The following ABCB9 variants were observed in gnomAD, a reference collection of about 807,000 sequenced individuals.
ABCB9 encodes ATP binding cassette subfamily B member 9.
ABCB9 carries 36 observed loss-of-function variants against 62.0 expected under a neutral mutation model. That is an observed-to-expected ratio of 0.58 (90% confidence interval 0.45 to 0.77). The LOEUF (loss-of-function observed/expected upper bound fraction) is 0.77. Among genes scored for constraint, ABCB9 ranks in the 30% least tolerant of loss-of-function variants. ABCB9 has a pLI of 0.00. For synonymous variants in ABCB9, 435 were observed against 461.4 expected, an observed-to-expected ratio of 0.94 and a Z score of 0.73; for missense variants, 943 against 1,054.7, an observed-to-expected ratio of 0.89 and a Z score of 1.47.
chr12:122,968,493 T>G (rs531521288), upstream of ABCB9, among the ~76,000 whole-genome samples: 1 of 152,150 alleles, frequency 6.6e-6, no homozygotes, highest in Non-Finnish European at 1.5e-5. Context: ...ACTACTAGCA[T>G]AGTATAGCAA....
downstream of ABCB9, among the ~76,000 whole-genome samples, chr12:122,924,102 C>CT (rs1409621234): frequency 6.6e-6 from 1 of 152,200 alleles, no homozygotes; most frequent in Non-Finnish European, 1.5e-5. Context: ...TTGACTTGGG[C>CT]TGAGTCTGCC....
chr12:122,927,612 G>T (rs1326108213), downstream of ABCB9, among the ~76,000 whole-genome samples: 2 of 152,230 alleles, frequency 1.3e-5, no homozygotes, highest in Non-Finnish European at 2.9e-5. Flanking sequence ...ATAGGAGAGG[G>T]AGAAGAATCT....
chr12:122,923,875 T>C (rs2034819574), intron 11 of ABCB9, among the ~76,000 whole-genome samples: 1 of 152,170 alleles, frequency 6.6e-6, no homozygotes, highest in African/African-American at 2.4e-5. Context: ...TTCTCAGGTG[T>C]GGCTTTTGAA....
upstream of ABCB9, among the ~76,000 whole-genome samples, chr12:122,967,620 A>G (rs112055728): frequency 0.044 from 6,729 of 152,200 alleles, 488 homozygotes; most frequent in African/African-American, 0.15. Context: ...TCCCAGGTAG[A>G]TGGGATTACA....
rs199924546 is a variant in ABCB9 at position 122,949,893 on chromosome 12, C to T, written c.742G>A (p.Gly248Ser). The change falls in exon 4 of 12, where the codon GGC (glycine) becomes AGC (serine). Residue 248 changes from glycine (G) to serine (S), a missense_variant. By Grantham distance (56) the Gly-to-Ser change is moderately conservative. Coordinates refer to ENST00000280560, the MANE Select transcript of ABCB9 (RefSeq NM_019625.4). ...CTGGCAAATATGAGGGTAAAAATGCCGCCCCGAATACCTGCGGCAAATGAG... is the reference window on the plus strand; with the variant it reads ...CTGGCAAATATGAGGGTAAAAATGCTGCCCCGAATACCTGCGGCAAATGAG... Reference protein sequence around the residue: ...GSSFAAGIRGGIFTLIFARLN... With the variant: ...GSSFAAGIRGSIFTLIFARLN... 1.1e-4 allele frequency: 180 copies of T among 1,614,140 alleles called. 3 individuals are homozygous for T. In the South Asian group the frequency reaches 1.4e-3, roughly 12 times the overall value.
intron 1 of ABCB9, among the ~76,000 whole-genome samples, chr12:122,965,475 C>T (rs1178797461): frequency 8.5e-5 from 13 of 152,164 alleles, no homozygotes; most frequent in Admixed American, 7.9e-4. Flanking sequence ...GCTGGGTCTG[C>T]GTGGGTCCAT....
At chr12:122,951,590 A>G (rs1187133668) in intron 2 of ABCB9, 1 of 152,126 alleles carries the variant, frequency 6.6e-6, no homozygotes, top group East Asian at 1.9e-4. Flanking sequence ...GATTGACGCC[A>G]AAGTTGATTT....
rs1566149858 is a variant in ABCB9, at chr12:122,929,359, G to A, written c.*552C>T. ...CAGATGCCCTCCACGCTCCCTACCC[G>A]CCCTGGCCAGACTCACAGAGCTGGC... On this transcript the variant is annotated 3_prime_UTR_variant, in exon 12 of 12. Coordinates refer to ENST00000280560, the MANE Select transcript of ABCB9 (RefSeq NM_019625.4). The surrounding 1 kb of genome is among the most constrained non-coding windows in gnomAD (Gnocchi z 6.0). The A allele has an allele frequency of 6.1e-6, 6 of 985,908 alleles. No individual in the cohort carries two copies. The highest frequency in any genetic ancestry group is 4.7e-5 in the South Asian group (1 of 21,292). 61.1% of individuals were successfully genotyped at this position (985,908 alleles called of 1,614,324 possible).
At chr12:122,949,682 C>T (rs1315693044) in intron 4 of ABCB9, 106 bp downstream of exon 4, 3 of 1,434,834 alleles carry the variant, frequency 2.1e-6, no homozygotes, top group Non-Finnish European at 2.9e-6. Flanking sequence ...GAGGAGAAGA[C>T]AGAGGGCTGA....
chr12:122,968,527 T>C (rs2037235046), upstream of ABCB9, among the ~76,000 whole-genome samples: 1 of 152,010 alleles, frequency 6.6e-6, no homozygotes, highest in Non-Finnish European at 1.5e-5. Context: ...CTGTCAGAAA[T>C]GTGAAACGGA....
intron 10 of ABCB9, among the ~76,000 whole-genome samples, chr12:122,933,332 G>A (rs549206439): frequency 1.3e-5 from 2 of 152,266 alleles, no homozygotes; most frequent in Non-Finnish European, 1.5e-5. Context: ...AGGTGGGCGG[G>A]TCACAAGGTC....
downstream of ABCB9, among the ~76,000 whole-genome samples, chr12:122,925,052 G>C (rs563685165): frequency 6.6e-6 from 1 of 152,202 alleles, no homozygotes; most frequent in South Asian, 2.1e-4. Context: ...GAACAGCTGA[G>C]ACCACAGGTG....
chr12:122,974,500 G>A (rs1400393288), intron 1 of ABCB9: 3 of 152,220 alleles, frequency 2.0e-5, no homozygotes, highest in Non-Finnish European at 4.4e-5. Flanking sequence ...CTGTAAGACG[G>A]TGATATAATA....
chr12:122,941,581 T>C (rs2035764317), intron 7 of ABCB9, among the ~76,000 whole-genome samples: 1 of 152,066 alleles, frequency 6.6e-6, no homozygotes, highest in African/African-American at 2.4e-5. Flanking sequence ...AGTGCTGGGA[T>C]TACAGGCATG....
Position 122,961,457 on chromosome 12 carries a change from T to G in ABCB9, c.-87-1135A>C, listed in dbSNP as rs112582368. ...ATCCACATGCCTCAGTAACCCAAAG[T>G]CTGGGATCAAAAGCGTGAGCCACTG... On this transcript the variant is annotated intron_variant, in intron 1 of 11. Coordinates refer to ENST00000280560, the MANE Select transcript of ABCB9 (RefSeq NM_019625.4). Among the ~76,000 whole-genome samples the G allele has an allele frequency of 3.2e-3, 494 of 152,196 alleles. 1 individual carries two copies. Among genetic ancestry groups the G allele is most frequent in the African/African-American group, 0.011 (450 of 41,518 alleles).
Position 122,944,309 on chromosome 12 carries a change from A to C in ABCB9, c.1380+82T>G. On this transcript the variant is annotated intron_variant, in intron 7 of 11. Transcript: ENST00000280560. The surrounding 1 kb of genome is among the most constrained non-coding windows in gnomAD (Gnocchi z 4.9). Reference sequence around the variant, plus strand: ...AATACCACATTGTCAGAGTCCCTGGAGCCCCGCCCCCACCCTGTTAAGATC... The same window carrying C: ...AATACCACATTGTCAGAGTCCCTGGCGCCCCGCCCCCACCCTGTTAAGATC... 1 of 1,513,140 alleles carries C rather than the reference A, an allele frequency of 6.6e-7. No homozygotes were observed. Among genetic ancestry groups the C allele is most frequent in the Non-Finnish European group, 8.9e-7 (1 of 1,119,686 alleles). 93.7% of individuals were successfully genotyped at this position (1,513,140 alleles called of 1,614,324 possible). A position where few individuals can be genotyped will look rare whatever the true frequency, so the allele number is the denominator to read the frequency against.
Position 122,929,282 on chromosome 12 carries a change from T to G in ABCB9, c.*629A>C. 1 of 986,002 alleles carries G rather than the reference T, an allele frequency of 1.0e-6. No individual in the cohort carries two copies. Among genetic ancestry groups the G allele is most frequent in the Non-Finnish European group, 1.2e-6 (1 of 830,090 alleles). The allele number at this position is 986,002 out of a possible 1,614,324, so 61.1% of individuals were successfully genotyped here. A position where few individuals can be genotyped will look rare whatever the true frequency, so the allele number is the denominator to read the frequency against. ...AGCCCCTCACTCCCCCAGTTGAGGT[T>G]TCGTGTGGTTCACAGTGAGACTGGC... On this transcript the variant is annotated 3_prime_UTR_variant, in exon 12 of 12. Transcript: ENST00000280560. The surrounding 1 kb of genome is among the most constrained non-coding windows in gnomAD (Gnocchi z 6.0).
chr12:122,928,915 G>A (rs1189901449), downstream of ABCB9: 1 of 795,252 alleles, frequency 1.3e-6, no homozygotes. Flanking sequence ...CACCAGAGAG[G>A]GCTGAGAGGA....
At chr12:122,943,412 T>C (rs2035871542) in intron 7 of ABCB9, among the ~76,000 whole-genome samples, 1 of 152,164 alleles carries the variant, frequency 6.6e-6, no homozygotes. Flanking sequence ...ACCCTTGCAT[T>C]TCCGAGGCAC....
Sources: allele counts gnomAD v4.1 joint callset (sites outside exome capture counted in the v4.1 genomes callset), GRCh38; gene constraint gnomAD v4.1.1; non-coding constraint Gnocchi (gnomAD v3.1); transcripts MANE v1.5; gene names NCBI Gene and HGNC (gene_info 2026-07-23, HGNC 2026-07-21).